Variants in PPP4R3A observed in about 807,000 individuals in gnomAD.
PPP4R3A encodes serine/threonine-protein phosphatase 4 regulatory subunit 3A.
A neutral mutation model predicts 91.7 loss-of-function variants in PPP4R3A; 15 were observed. That is an observed-to-expected ratio of 0.16 (90% CI 0.11 to 0.25). PPP4R3A has a LOEUF of 0.25. PPP4R3A is among the 10% of genes least tolerant of loss of function. The pLI, the probability that PPP4R3A is intolerant of heterozygous loss-of-function variation, is 1.00. For missense variants in PPP4R3A, 623 were observed against 998.4 expected (o/e 0.62, Z 5.07); for synonymous variants, 377 against 348.7 (o/e 1.08, Z -0.91).
At chr14:91,500,357 C>T (rs140310737) in intron 1 of PPP4R3A, among the ~76,000 whole-genome samples, 1,739 of 152,214 alleles carry the variant, frequency 0.011, 36 homozygotes, top group African/African-American at 0.04. Context: ...CACACCACCA[C>T]GCCCAGCTAA....
At chr14:91,481,214 C>T (rs975853925) in intron 4 of PPP4R3A, among the ~76,000 whole-genome samples, 3 of 152,120 alleles carry the variant, frequency 2.0e-5, no homozygotes, top group African/African-American at 7.2e-5. Flanking sequence ...CACCTGTGGT[C>T]CCAGCTACTC....
At chr14:91,459,832 CAAAA>C (rs60665582) in intron 14 of PPP4R3A, among the ~76,000 whole-genome samples, 55,972 of 138,354 alleles carry the variant, frequency 0.4, 10,668 homozygotes, top group Middle Eastern at 0.5. Flanking sequence ...GAGACTCTGT[CAAAA>C]AAAAAAAAAA....
At chr14:91,485,773 T>C in intron 2 of PPP4R3A, 43 bp from the exon 3 acceptor site, 1 of 1,329,044 alleles carries the variant, frequency 7.5e-7, no homozygotes, top group East Asian at 2.3e-5. Context: ...ACATACACTA[T>C]CACAAACGAA....
In PPP4R3A at chr14:91,493,437, G is replaced by C. The variant is rs942333773; in HGVS notation, c.143-2635C>G. On this transcript the variant is annotated intron_variant, in intron 1 of 14. Coordinates refer to ENST00000554943, the MANE Select transcript of PPP4R3A (RefSeq NM_001366432.2). ...GAGCCCAGAATCTCAAGACTACAGT[G>C]AGCCATGATTGCGCCACTACACTCT... 4.0e-5 allele frequency among the ~76,000 whole-genome samples: 6 copies of C among 150,856 alleles called. No individual in the cohort carries two copies. The East Asian group carries it at 7.7e-4, about 19-fold the overall frequency.
At chr14:91,464,392 G>A (rs1347498724) in intron 11 of PPP4R3A, among the ~76,000 whole-genome samples, 1 of 148,508 alleles carries the variant, frequency 6.7e-6, no homozygotes, top group African/African-American at 2.5e-5. Context: ...GGTGATGGCT[G>A]CCAACAATGT....
At chr14:91,507,519 T>C (rs953535911) in intron 1 of PPP4R3A, among the ~76,000 whole-genome samples, 1 of 140,032 alleles carries the variant, frequency 7.1e-6, no homozygotes, top group African/African-American at 2.8e-5. Context: ...TAATTATATA[T>C]ACTATAGTTA....
At chr14:91,490,647 G>A in intron 2 of PPP4R3A, 100 bp downstream of exon 2, 1 of 881,488 alleles carries the variant, frequency 1.1e-6, no homozygotes, top group East Asian at 2.8e-5. Context: ...CCAAACTGTT[G>A]TAATCTCTTC....
Position 91,510,017 on chromosome 14 carries a change from G to GCGCCGC in PPP4R3A, c.-376_-371dup. 1.1e-6 allele frequency: 1 copy of GCGCCGC among 930,248 alleles called. No homozygotes were observed. The highest frequency in any genetic ancestry group is 1.3e-6 in the Non-Finnish European group (1 of 776,358). 57.6% of individuals were successfully genotyped at this position (930,248 alleles called of 1,614,324 possible). On this transcript the variant is annotated 5_prime_UTR_variant, in exon 1 of 15. Transcript: ENST00000554943. ...CATGATCTCCGCGAAGCAGCTTCCC[G>GCGCCGC]CGCCGCCGCCGCCTCCTCAGGCCGC... is the stretch of plus-strand genomic sequence containing the variant.
chr14:91,489,129 G>A (rs1190818692), intron 2 of PPP4R3A, among the ~76,000 whole-genome samples: 1 of 151,870 alleles, frequency 6.6e-6, no homozygotes, highest in Admixed American at 6.6e-5. Flanking sequence ...GGATGGTCTC[G>A]ATCTCCTGAC....
chr14:91,498,026 G>A (rs1890691045), intron 1 of PPP4R3A, among the ~76,000 whole-genome samples: 1 of 152,150 alleles, frequency 6.6e-6, no homozygotes, highest in South Asian at 2.1e-4. Flanking sequence ...TTAAAAATTA[G>A]GCCAGATGTT....
intron 14 of PPP4R3A, among the ~76,000 whole-genome samples, chr14:91,459,451 A>G (rs1242781275): frequency 6.6e-6 from 1 of 152,224 alleles, no homozygotes; most frequent in African/African-American, 2.4e-5. Flanking sequence ...CAAATTACCC[A>G]GGAGTTAGAA....
rs781037806 is a variant in PPP4R3A, at chr14:91,458,816, CTCATCATCATCT to C, written c.2433_2444del (p.Asp813_Asp816del). 1.8e-5 allele frequency: 29 copies of C among 1,613,298 alleles called. No individual in the cohort carries two copies. Among genetic ancestry groups the C allele is most frequent in the Admixed American group, 3.3e-5 (2 of 59,956 alleles). ...GTAACGTATCTTCCTTATCTTCATCCTCATCATCATCTTCATCATCATCAGGATAATCTACCA... is the reference window on the plus strand; with the variant it reads ...GTAACGTATCTTCCTTATCTTCATCCTCATCATCATCAGGATAATCTACCA... On this transcript the variant is annotated inframe_deletion, in exon 15 of 15. Coordinates refer to ENST00000554943, the MANE Select transcript of PPP4R3A (RefSeq NM_001366432.2).
chr14:91,478,004 T>A (rs1194810726), intron 4 of PPP4R3A, among the ~76,000 whole-genome samples: 1 of 152,212 alleles, frequency 6.6e-6, no homozygotes, highest in Non-Finnish European at 1.5e-5. Context: ...ACTTAAGCCC[T>A]AGACATGCCT....
chr14:91,481,106 G>A (rs930722446), intron 4 of PPP4R3A, among the ~76,000 whole-genome samples: 1 of 152,124 alleles, frequency 6.6e-6, no homozygotes, highest in African/African-American at 2.4e-5. Context: ...GCCAGGGCAG[G>A]CAGATTGCTT....
Position 91,461,641 on chromosome 14 carries a change from C to G in PPP4R3A, c.2165-34G>C, listed in dbSNP as rs199528531. 3,961 of 1,584,866 alleles carry G rather than the reference C, an allele frequency of 2.5e-3. 12 individuals carry two copies. Among genetic ancestry groups the G allele is most frequent in the Non-Finnish European group, 2.9e-3 (3,402 of 1,161,378 alleles). ...GAGAATACTGTCAATAGTCGTCCCC[C>G]ATACTTCTTTTTTAAATTTCCCCAA... On this transcript the variant is annotated intron_variant, in intron 13 of 14. Transcript: ENST00000554943.
rs141508925 is a variant in PPP4R3A at position 91,460,239 on chromosome 14, T to C, written c.2391+1142A>G. On this transcript the variant is annotated intron_variant, in intron 14 of 14. Transcript: ENST00000554943. ...GTATTAGCCAGGATGGTCTCGGATCTCCTGACCTCGTGACCCACCCCCCTG... is the reference window on the plus strand; with the variant it reads ...GTATTAGCCAGGATGGTCTCGGATCCCCTGACCTCGTGACCCACCCCCCTG... 5.5e-3 allele frequency among the ~76,000 whole-genome samples: 844 copies of C among 152,190 alleles called. 7 individuals are homozygous for C. Among genetic ancestry groups the C allele is most frequent in the South Asian group, 0.018 (89 of 4,826 alleles).
intron 1 of PPP4R3A, among the ~76,000 whole-genome samples, chr14:91,492,382 C>A (rs758139478): frequency 1.3e-5 from 2 of 152,196 alleles, no homozygotes; most frequent in Non-Finnish European, 2.9e-5. Flanking sequence ...CTTAACATTT[C>A]CAAATTTAGT....
At position 91,475,972 on chromosome 14, in the gene PPP4R3A, G is replaced by GA; in HGVS notation, c.1111-7dup. ...ACCTGTGTATCATCCATGCCCTGCA[G>GA]ACAAAAAACATTTATTTTTCCTGTA... On this transcript the variant is annotated splice_region_variant and splice_polypyrimidine_tract_variant and intron_variant, in intron 6 of 14. Coordinates refer to ENST00000554943, the MANE Select transcript of PPP4R3A (RefSeq NM_001366432.2). The GA allele has an allele frequency of 1.3e-6, 2 of 1,483,086 alleles. No homozygotes were observed. Among genetic ancestry groups the GA allele is most frequent in the Non-Finnish European group, 8.9e-7 (1 of 1,128,500 alleles). The allele number at this position is 1,483,086 out of a possible 1,614,324, so 91.9% of individuals were successfully genotyped here. A position where few individuals can be genotyped will look rare whatever the true frequency, so the allele number is the denominator to read the frequency against.
rs758302350 is a variant in PPP4R3A at position 91,509,648 on chromosome 14, C to T, written c.-1G>A. The T allele has an allele frequency of 1.3e-6, 2 of 1,595,452 alleles. No individual in the cohort carries two copies. The highest frequency in any genetic ancestry group is 2.7e-5 in the African/African-American group (2 of 74,598). On this transcript the variant is annotated 5_prime_UTR_variant, in exon 1 of 15. Coordinates refer to ENST00000554943, the MANE Select transcript of PPP4R3A (RefSeq NM_001366432.2). ...TCACCCGCCGCCGGGTGTCGGTCAT[C>T]GTGCCGCCCGGGAACCGGGGCGGGG...
Sources: allele counts gnomAD v4.1 joint callset (sites outside exome capture counted in the v4.1 genomes callset), GRCh38; gene constraint gnomAD v4.1.1; transcripts MANE v1.5; gene names NCBI Gene and HGNC (gene_info 2026-07-23, HGNC 2026-07-21).